Variants in CCT8 observed in about 807,000 individuals in gnomAD.
CCT8 encodes T-complex protein 1 subunit theta.
Under a neutral mutation model 65.7 loss-of-function variants are expected in CCT8, and 10 were observed. That is an observed-to-expected ratio of 0.15 (90% CI 0.09 to 0.26). The LOEUF (loss-of-function observed/expected upper bound fraction) is 0.26. CCT8 is among the 10% of genes least tolerant of loss of function. The pLI is 1.00. For missense variants in CCT8, 568 were observed against 669.1 expected (o/e 0.85, Z 1.67); for synonymous variants, 199 against 221.8 (o/e 0.90, Z 0.92).
At chr21:29,060,510 T>C in intron 14 of CCT8, 31 bp downstream of exon 14, 1 of 1,609,104 alleles carries the variant, frequency 6.2e-7, no homozygotes, top group Non-Finnish European at 8.5e-7. Flanking sequence ...CAAATGAGTA[T>C]TTTTAAAGAT....
In CCT8 at chr21:29,059,354, TCAAC is replaced by T. The variant is rs548796949; in HGVS notation, c.1569+1183_1569+1186del. On this transcript the variant is annotated intron_variant, in intron 14 of 14. Transcript: ENST00000286788. Reference sequence around the variant, plus strand: ...AGAGTGCAAAGACTGGGGGAACAGATCAACCAACAACTTCCCCTACCATAAGATA... The same window carrying T: ...AGAGTGCAAAGACTGGGGGAACAGATCAACAACTTCCCCTACCATAAGATA... The T allele has an allele frequency of 7.9e-5, 12 of 152,286 alleles. No individual in the cohort carries two copies. In the East Asian group the frequency reaches 2.3e-3, roughly 29 times the overall value. The allele number at this position is 152,286 out of a possible 1,614,324, so 9.4% of individuals were successfully genotyped here. A position where few individuals can be genotyped will look rare whatever the true frequency, so the allele number is the denominator to read the frequency against.
In CCT8 at chr21:29,065,038, A is replaced by G. The variant is rs2085606592; in HGVS notation, c.692T>C (p.Val231Ala). The G allele has an allele frequency of 6.2e-7, 1 of 1,613,798 alleles. No homozygotes were observed. The highest frequency in any genetic ancestry group is 1.6e-4 in the Middle Eastern group (1 of 6,062). Reference sequence around the variant, plus strand: ...TATTTTTGCATCTTTGACAGATGTTACATCACCTTCGGTTTCCTTCTTAAA... The same window carrying G: ...TATTTTTGCATCTTTGACAGATGTTGCATCACCTTCGGTTTCCTTCTTAAA... The part of the protein sequence containing the change: ...MVFKKETEGD[V>A]TSVKDAKIAV... The change falls in exon 7 of 15, where the codon GTA becomes GCA. Residue 231 changes from valine (V) to alanine (A), a missense_variant. Transcript: ENST00000286788.
chr21:29,073,414 C>T, intron 1 of CCT8, 117 bp downstream of exon 1: 2 of 1,550,748 alleles, frequency 1.3e-6, no homozygotes, highest in Non-Finnish European at 1.7e-6. Context: ...TCTTCTCTTC[C>T]CCCGGCCGCT....
chr21:29,061,530 A>G lies in CCT8; in HGVS notation c.1250T>C (p.Ile417Thr). 6.2e-7 allele frequency: 1 copy of G among 1,613,972 alleles called. No individual in the cohort carries two copies. The highest frequency in any genetic ancestry group is 8.5e-7 in the Non-Finnish European group (1 of 1,179,904). ...TGATGTGATCTGTTTGGCTAATTCA[A>G]TTTCTGTTGCTCCACCTCCGGGTAC... ...RLVPGGGATEIELAKQITSYG... is the reference protein window; with the variant it reads ...RLVPGGGATETELAKQITSYG... Residue 417 changes from isoleucine (I) to threonine (T), a missense_variant, in exon 12 of 15, where the codon ATT becomes ACT. Coordinates refer to ENST00000286788, the MANE Select transcript of CCT8 (RefSeq NM_006585.4).
At chr21:29,067,831 A>T (rs979699144) in intron 3 of CCT8, 126 bp from the exon 4 acceptor site, 8 of 559,498 alleles carry the variant, frequency 1.4e-5, no homozygotes, top group Non-Finnish European at 1.7e-5. Flanking sequence ...TCACACTGCT[A>T]CACTGCTATA....
rs1568915981 is a variant in CCT8, at chr21:29,070,355, C to CA, written c.61-19dup. On this transcript the variant is annotated intron_variant, in intron 1 of 14. Coordinates refer to ENST00000286788, the MANE Select transcript of CCT8 (RefSeq NM_006585.4). ...GAAAAGTGCTGTTAAAAAAAACAAACAAAAAACCCCGCTAATTAGACAGGA... is the reference window on the plus strand; with the variant it reads ...GAAAAGTGCTGTTAAAAAAAACAAACAAAAAAACCCCGCTAATTAGACAGGA... The CA allele has an allele frequency of 1.3e-6, 2 of 1,505,476 alleles. No individual in the cohort carries two copies. Among genetic ancestry groups the CA allele is most frequent in the Non-Finnish European group, 9.1e-7 (1 of 1,093,540 alleles). The allele number at this position is 1,505,476 out of a possible 1,614,324, so 93.3% of individuals were successfully genotyped here. A position where few individuals can be genotyped will look rare whatever the true frequency, so the allele number is the denominator to read the frequency against.
rs2085577709 is a variant in CCT8, at chr21:29,062,697, T to C, written c.942-141A>G. The C allele has an allele frequency of 1.0e-5, 7 of 687,688 alleles. No homozygotes were observed. The South Asian group carries it at 1.1e-4, about 11-fold the overall frequency. 42.6% of individuals were successfully genotyped at this position (687,688 alleles called of 1,614,324 possible). On this transcript the variant is annotated intron_variant, in intron 8 of 14. Coordinates refer to ENST00000286788, the MANE Select transcript of CCT8 (RefSeq NM_006585.4). ...GATTTTAACTCAGAACATGTCTGGA[T>C]TGCAATGAACACTAAGGCCAGGAAG... is the stretch of plus-strand genomic sequence containing the variant.
intron 14 of CCT8, among the ~76,000 whole-genome samples, chr21:29,057,771 A>G (rs1054661902): frequency 2.1e-5 from 3 of 146,244 alleles, no homozygotes; most frequent in Non-Finnish European, 3.0e-5. Flanking sequence ...TGAGATATAT[A>G]TGATATATAT....
intron 14 of CCT8, among the ~76,000 whole-genome samples, chr21:29,059,104 C>T (rs1008068971): frequency 6.6e-6 from 1 of 152,128 alleles, no homozygotes; most frequent in Non-Finnish European, 1.5e-5. Context: ...AACAAGTTCT[C>T]AGGTGATGTT....
At chr21:29,066,608 A>C (rs771659059) in intron 6 of CCT8, 108 bp downstream of exon 6, 7 of 633,636 alleles carry the variant, frequency 1.1e-5, no homozygotes, top group Middle Eastern at 4.3e-4. Context: ...ATCATGAAGT[A>C]ACATTTAGGT....
At position 29,073,573 on chromosome 21, in the gene CCT8, G is replaced by A. The variant is rs764756622; in HGVS notation, c.18C>T (p.Pro6=). Residue 6 remains proline, a synonymous_variant, in exon 1 of 15, where the codon CCC becomes CCT. Transcript: ENST00000286788. ...GCATCTGGGCAAAGCCCGGAGCCTTGGGAACGTGAAGCGCCATGGCCAGCC... is the reference window on the plus strand; with the variant it reads ...GCATCTGGGCAAAGCCCGGAGCCTTAGGAACGTGAAGCGCCATGGCCAGCC... The part of the protein sequence containing the change: MALHV[P]KAPGFAQMLK... 8.7e-6 allele frequency: 14 copies of A among 1,614,032 alleles called. No homozygotes were observed. The highest frequency in any genetic ancestry group is 6.7e-5 in the Admixed American group (4 of 60,010).
chr21:29,062,630 G>A (rs1260595915), intron 8 of CCT8, 74 bp from the exon 9 acceptor site: 1 of 1,142,554 alleles, frequency 8.8e-7, no homozygotes, highest in African/African-American at 1.5e-5. Context: ...AATTAAAGAG[G>A]AACCTGTATA....
chr21:29,057,992 CT>C (rs1454559259), intron 14 of CCT8: 3 of 151,874 alleles, frequency 2.0e-5, no homozygotes, highest in Non-Finnish European at 4.4e-5. Context: ...GTCCTCCAGC[CT>C]GGGTGATAGA....
chr21:29,066,823 GAGAA>G (rs748001135), intron 5 of CCT8, 46 bp from the exon 6 acceptor site: 2 of 1,580,014 alleles, frequency 1.3e-6, no homozygotes, highest in Non-Finnish European at 1.7e-6. Flanking sequence ...TGGGACAACA[GAGAA>G]AGTATCTAGT....
chr21:29,065,190 AT>A (rs1398177771), intron 6 of CCT8, 85 bp from the exon 7 acceptor site: 4 of 1,399,036 alleles, frequency 2.9e-6, no homozygotes, highest in Admixed American at 1.8e-5. Flanking sequence ...TACCAAAAAT[AT>A]CCCTTTCTAA....
At chr21:29,057,848 A>G (rs2085521298) in intron 14 of CCT8, among the ~76,000 whole-genome samples, 1 of 151,232 alleles carries the variant, frequency 6.6e-6, no homozygotes, top group African/African-American at 2.4e-5. Context: ...TACATATCAG[A>G]TATATATGAT....
Position 29,073,555 on chromosome 21 carries a change from G to A in CCT8, c.36C>T (p.Ala12=). 1.9e-6 allele frequency: 3 copies of A among 1,614,146 alleles called. No homozygotes were observed. Among genetic ancestry groups the A allele is most frequent in the African/African-American group, 1.3e-5 (1 of 75,052 alleles). ...CTTTCGCTCCCTCCTTGAGCATCTG[G>A]GCAAAGCCCGGAGCCTTGGGAACGT... The part of the protein sequence containing the change: ...ALHVPKAPGF[A]QMLKEGAKHF... Residue 12 remains alanine, a synonymous_variant, in exon 1 of 15, where the codon GCC becomes GCT. Coordinates refer to ENST00000286788, the MANE Select transcript of CCT8 (RefSeq NM_006585.4).
chr21:29,071,363 TC>T (rs1411814225), intron 1 of CCT8, among the ~76,000 whole-genome samples: 1 of 152,002 alleles, frequency 6.6e-6, no homozygotes, highest in African/African-American at 2.4e-5. Context: ...GATTTTGTGA[TC>T]CAAAACCAAG....
chr21:29,062,206 T>C lies in CCT8; in HGVS notation c.1134A>G (p.Arg378=). 1 of 1,613,914 alleles carries C rather than the reference T, an allele frequency of 6.2e-7. No individual in the cohort carries two copies. Among genetic ancestry groups the C allele is most frequent in the South Asian group, 1.1e-5 (1 of 91,080 alleles). Residue 378 remains arginine, a synonymous_variant, in exon 11 of 15, where the codon CGA becomes CGG. Transcript: ENST00000286788. The part of the protein sequence containing the change: ...EDGAISTIVL[R]GSTDNLMDDI... ...CATCCATCAGATTGTCTGTAGAGCC[T>C]CGAAGTACTATGGTAGAAATGGCGC...
Sources: allele counts gnomAD v4.1 joint callset (sites outside exome capture counted in the v4.1 genomes callset), GRCh38; gene constraint gnomAD v4.1.1; transcripts MANE v1.5; gene names NCBI Gene and HGNC (gene_info 2026-07-23, HGNC 2026-07-21).